Variants in COG5 observed in about 807,000 individuals in gnomAD.
COG5 encodes the protein conserved oligomeric Golgi complex subunit 5.
A neutral mutation model predicts 110.4 loss-of-function variants in COG5; 86 were observed. That is an observed-to-expected ratio of 0.78 (90% CI 0.65 to 0.93). The LOEUF (loss-of-function observed/expected upper bound fraction) is 0.93. COG5 is among the 40% of genes least tolerant of loss of function. The pLI is 0.00. For synonymous variants in COG5, 360 were observed against 334.6 expected, an observed-to-expected ratio of 1.08 and a Z score of -0.83; for missense variants, 1,077 against 987.0, an observed-to-expected ratio of 1.09 and a Z score of -1.22.
At chr7:107,211,632 G>C (rs1272933362) in intron 19 of COG5, among the ~76,000 whole-genome samples, 1 of 152,070 alleles carries the variant, frequency 6.6e-6, no homozygotes. Flanking sequence ...TCCTTCTTTG[G>C]ACCATAATCA....
At chr7:107,378,476 G>A (rs1004608424) in intron 7 of COG5, among the ~76,000 whole-genome samples, 3 of 152,052 alleles carry the variant, frequency 2.0e-5, no homozygotes, top group African/African-American at 7.2e-5. Flanking sequence ...AAACTCCTCC[G>A]AGCTAAAGGA....
chr7:107,328,589 A>C (rs1353786549), intron 10 of COG5, among the ~76,000 whole-genome samples: 10 of 152,208 alleles, frequency 6.6e-5, no homozygotes, highest in Admixed American at 6.5e-4. Flanking sequence ...TAGAAGCAGA[A>C]AGAATAATGG....
chr7:107,536,235 C>T (rs1235859215), intron 5 of COG5, among the ~76,000 whole-genome samples: 1 of 152,192 alleles, frequency 6.6e-6, no homozygotes, highest in African/African-American at 2.4e-5. Flanking sequence ...CTTCTCACCA[C>T]TCCTATTCAA....
intron 6 of COG5, among the ~76,000 whole-genome samples, chr7:107,523,428 G>A (rs192330045): frequency 9.2e-4 from 140 of 151,894 alleles, no homozygotes; most frequent in Non-Finnish European, 1.0e-4. Flanking sequence ...AAGATACCAC[G>A]ACATACCTAT....
rs776590348 is a variant in COG5 at position 107,231,074 on chromosome 7, G to A, written c.2092-383C>T. Among the ~76,000 whole-genome samples, 33 of 152,226 alleles carry A rather than the reference G, an allele frequency of 2.2e-4. 1 individual carries two copies. Among genetic ancestry groups the A allele is most frequent in the Non-Finnish European group, 4.4e-4 (30 of 67,992 alleles). Reference sequence around the variant, plus strand: ...AAATGATGACAATTTTTATCAGTCAGTGTGGCTCAAGTAATTAAAAGGACT... The same window carrying A: ...AAATGATGACAATTTTTATCAGTCAATGTGGCTCAAGTAATTAAAAGGACT... On this transcript the variant is annotated intron_variant, in intron 18 of 21. Transcript: ENST00000297135.
At chr7:107,294,859 G>A (rs541880526) in intron 12 of COG5, among the ~76,000 whole-genome samples, 1 of 127,584 alleles carries the variant, frequency 7.8e-6, no homozygotes, top group Non-Finnish European at 1.6e-5. Flanking sequence ...GGGATTATAG[G>A]CATGTGCCAC....
At chr7:107,446,526 T>G (rs1370135378) in intron 6 of COG5, among the ~76,000 whole-genome samples, 1 of 152,170 alleles carries the variant, frequency 6.6e-6, no homozygotes, top group African/African-American at 2.4e-5. Flanking sequence ...TTGGTCCATG[T>G]GAACAACAGA....
At chr7:107,500,472 G>C (rs113768574) in intron 6 of COG5, among the ~76,000 whole-genome samples, 8 of 152,026 alleles carry the variant, frequency 5.3e-5, no homozygotes, top group Non-Finnish European at 1.2e-4. Context: ...ATGTGCCCAC[G>C]AAAATAAATT....
At chr7:107,253,249 C>G (rs1802653374) in intron 16 of COG5, 1 of 152,046 alleles carries the variant, frequency 6.6e-6, no homozygotes, top group Admixed American at 6.6e-5. Flanking sequence ...TTGGGGAATG[C>G]CTTCATTTCA....
intron 11 of COG5, among the ~76,000 whole-genome samples, chr7:107,305,686 TGTGGTTGTTA>T (rs1196569622): frequency 2.0e-5 from 3 of 151,936 alleles, no homozygotes; most frequent in Non-Finnish European, 2.9e-5. Flanking sequence ...TCCAAGCTCT[TGTGGTTGTTA>T]GCAGGATTCA....
At chr7:107,368,962 G>A (rs1813873710) in intron 8 of COG5, among the ~76,000 whole-genome samples, 1 of 152,108 alleles carries the variant, frequency 6.6e-6, no homozygotes, top group Admixed American at 6.5e-5. Context: ...AATGGTATCG[G>A]GTTTTGTAGT....
intron 6 of COG5, among the ~76,000 whole-genome samples, chr7:107,416,781 C>A (rs1171661931): frequency 6.6e-6 from 1 of 152,080 alleles, no homozygotes; most frequent in Non-Finnish European, 1.5e-5. Context: ...AGATTAACAG[C>A]AGATGGGACG....
chr7:107,232,566 G>T (rs892100448), intron 18 of COG5, among the ~76,000 whole-genome samples: 1 of 152,166 alleles, frequency 6.6e-6, no homozygotes, highest in African/African-American at 2.4e-5. Context: ...CTAGGAAAAA[G>T]TTACGATATG....
At chr7:107,557,876 T>A in intron 2 of COG5, 100 bp downstream of exon 2, 1 of 1,436,424 alleles carries the variant, frequency 7.0e-7, no homozygotes. Context: ...AGTATGTACT[T>A]CTTCATGTAA....
intron 11 of COG5, among the ~76,000 whole-genome samples, chr7:107,303,689 C>T (rs2116948409): frequency 6.6e-6 from 1 of 152,258 alleles, no homozygotes; most frequent in African/African-American, 2.4e-5. Context: ...AATCCTCCCA[C>T]CTCAGTCTCC....
intron 6 of COG5, among the ~76,000 whole-genome samples, chr7:107,424,957 G>C (rs1268815245): frequency 6.6e-6 from 1 of 152,022 alleles, no homozygotes; most frequent in Non-Finnish European, 1.5e-5. Context: ...TAACTTAAGG[G>C]AATCCTAGGG....
At position 107,208,550 on chromosome 7, in the gene COG5, G is replaced by GA. The variant is rs1415301912; in HGVS notation, c.2375+1975dup. 5.1e-6 allele frequency: 5 copies of GA among 985,350 alleles called. No homozygotes were observed. In the East Asian group the frequency reaches 5.7e-4, roughly 112 times the overall value. 61.0% of individuals were successfully genotyped at this position (985,350 alleles called of 1,614,324 possible). On this transcript the variant is annotated intron_variant, in intron 21 of 21. Coordinates refer to ENST00000297135, the MANE Select transcript of COG5 (RefSeq NM_006348.5). Reference sequence around the variant, plus strand: ...AGCTGAGTGAATCTTTGGGACTCGGGAAAAATAATCCACACAGACATTGCA... The same window carrying GA: ...AGCTGAGTGAATCTTTGGGACTCGGGAAAAAATAATCCACACAGACATTGCA...
intron 5 of COG5, among the ~76,000 whole-genome samples, chr7:107,535,724 A>C (rs1357605177): frequency 6.6e-6 from 1 of 152,182 alleles, no homozygotes; most frequent in Non-Finnish European, 1.5e-5. Context: ...ATTCTACTAG[A>C]GGTGTTGCAA....
At chr7:107,306,157 A>G (rs1807698748) in intron 11 of COG5, among the ~76,000 whole-genome samples, 1 of 152,196 alleles carries the variant, frequency 6.6e-6, no homozygotes, top group Non-Finnish European at 1.5e-5. Context: ...CTAATACAAA[A>G]CAATGACAAA....
Sources: allele counts gnomAD v4.1 joint callset (sites outside exome capture counted in the v4.1 genomes callset), GRCh38; gene constraint gnomAD v4.1.1; transcripts MANE v1.5; gene names NCBI Gene and HGNC (gene_info 2026-07-23, HGNC 2026-07-21).